Variants in VPS72 observed in about 807,000 individuals in gnomAD.
VPS72 encodes vacuolar protein sorting-associated protein 72 homolog.
VPS72 carries 27 observed loss-of-function variants against 38.9 expected under a neutral mutation model. That is an observed-to-expected ratio of 0.69 (90% CI 0.51 to 0.96). The LOEUF (loss-of-function observed/expected upper bound fraction) is 0.96, where lower values mean the gene tolerates loss of function less well. Among genes scored for constraint, VPS72 ranks in the 40% least tolerant of loss-of-function variants. VPS72 has a pLI of 0.00. For synonymous variants in VPS72, 173 were observed against 186.3 expected, an observed-to-expected ratio of 0.93 and a Z score of 0.58; for missense variants, 360 against 479.5, an observed-to-expected ratio of 0.75 and a Z score of 2.33.
intron 5 of VPS72, among the ~76,000 whole-genome samples, chr1:151,177,578 T>G (rs1194667453): frequency 1.3e-5 from 2 of 150,164 alleles, no homozygotes; most frequent in East Asian, 2.0e-4. Flanking sequence ...AAGAAAGAAA[T>G]AAGCTGGGCT....
chr1:151,181,278 C>G (rs1475876470), intron 4 of VPS72, among the ~76,000 whole-genome samples: 1 of 146,670 alleles, frequency 6.8e-6, no homozygotes, highest in African/African-American at 2.5e-5. Flanking sequence ...CACTCTGTTG[C>G]CCAGGCTGGA....
intron 3 of VPS72, 147 bp from the exon 4 acceptor site, chr1:151,184,640 C>G (rs1337823626): frequency 2.2e-6 from 2 of 889,618 alleles, no homozygotes; most frequent in African/African-American, 3.5e-5. Flanking sequence ...GGCTGGAGTA[C>G]AGTGGCACGA....
At chr1:151,189,200 G>C (rs1047125865) in intron 1 of VPS72, among the ~76,000 whole-genome samples, 5 of 152,190 alleles carry the variant, frequency 3.3e-5, no homozygotes, top group African/African-American at 1.2e-4. Flanking sequence ...CTGGGGCATG[G>C]AGTATGTAAG....
At chr1:151,185,120 C>T (rs1449346801) in intron 3 of VPS72, among the ~76,000 whole-genome samples, 1 of 151,992 alleles carries the variant, frequency 6.6e-6, no homozygotes, top group Non-Finnish European at 1.5e-5. Flanking sequence ...AAGTTATCAA[C>T]ATCAGTAAAT....
At chr1:151,185,012 G>A (rs919741709) in intron 3 of VPS72, among the ~76,000 whole-genome samples, 1 of 152,090 alleles carries the variant, frequency 6.6e-6, no homozygotes, top group Non-Finnish European at 1.5e-5. Flanking sequence ...TTTTCTGAAT[G>A]ATCTAAATTA....
intron 4 of VPS72, among the ~76,000 whole-genome samples, chr1:151,179,764 T>G (rs1684198998): frequency 1.3e-5 from 2 of 151,296 alleles, no homozygotes; most frequent in Admixed American, 1.3e-4. Context: ...TGGTGGTGTA[T>G]GCCTATAATC....
At position 151,176,920 on chromosome 1, in the gene VPS72, A is replaced by C. The variant is rs748499892; in HGVS notation, c.819T>G (p.Thr273=). The C allele has an allele frequency of 8.7e-6, 14 of 1,613,946 alleles. 1 individual carries two copies. In the South Asian group the frequency reaches 1.5e-4, roughly 18 times the overall value. ...GCCCTTGGGGGAACCATTCCTCGAA[A>C]GTTGCATCATCACTAAAAGTGATGA... is the stretch of plus-strand genomic sequence containing the variant. ...RTFITFSDDA[T]FEEWFPQGRP... is the part of the protein sequence containing the mutation. The change falls in exon 6 of 6, where the codon ACT becomes ACG. Residue 273 remains threonine (T), a synonymous_variant. Transcript: ENST00000368892.
chr1:151,179,997 C>G (rs1479925094), intron 4 of VPS72, among the ~76,000 whole-genome samples: 1 of 152,024 alleles, frequency 6.6e-6, no homozygotes, highest in Non-Finnish European at 1.5e-5. Context: ...TTATGATGAA[C>G]ACAATTCCCT....
At chr1:151,182,121 G>A (rs1440874409) in intron 4 of VPS72, among the ~76,000 whole-genome samples, 8 of 152,170 alleles carry the variant, frequency 5.3e-5, no homozygotes, top group East Asian at 1.9e-4. Flanking sequence ...CCCGCCTCCC[G>A]GGTTCAAGTG....
chr1:151,178,884 T>C (rs1684175966), intron 4 of VPS72, among the ~76,000 whole-genome samples: 1 of 152,134 alleles, frequency 6.6e-6, no homozygotes, highest in African/African-American at 2.4e-5. Context: ...GGTATATATG[T>C]CTCCTCCTTA....
rs587600132 is a variant in VPS72, at chr1:151,185,583, G to C, written c.308C>G (p.Thr103Ser). The change falls in exon 3 of 6, where the codon ACC becomes AGC. Residue 103 changes from threonine (T) to serine (S), a missense_variant. Thr to Ser is a moderately conservative substitution (Grantham distance 58). This residue lies in a region of VPS72 where 294 missense variants were observed against 356.3 expected (regional missense o/e 0.83). Coordinates refer to ENST00000368892, the MANE Select transcript of VPS72 (RefSeq NM_005997.3). Reference sequence around the variant, plus strand: ...CGCCTTCTGAGAGCTACCAGCCGGGGTGTTGACCTTTCGAGGCCTTAAGCT... The same window carrying C: ...CGCCTTCTGAGAGCTACCAGCCGGGCTGTTGACCTTTCGAGGCCTTAAGCT... ...LKSLRPRKVNTPAGSSQKARE... is the reference protein window; with the variant it reads ...LKSLRPRKVNSPAGSSQKARE... 4 of 1,614,168 alleles carry C rather than the reference G, an allele frequency of 2.5e-6. No homozygotes were observed. The South Asian group carries it at 3.3e-5, about 13-fold the overall frequency.
chr1:151,178,322 G>A (rs1684162488), intron 4 of VPS72, among the ~76,000 whole-genome samples, 177 bp from the exon 5 acceptor site: 1 of 152,138 alleles, frequency 6.6e-6, no homozygotes, highest in South Asian at 2.1e-4. Context: ...TAAGTTTTCT[G>A]CTTATAAGTT....
intron 4 of VPS72, among the ~76,000 whole-genome samples, chr1:151,180,585 G>A (rs1029132798): frequency 5.3e-5 from 8 of 151,938 alleles, no homozygotes; most frequent in African/African-American, 7.2e-5. Context: ...CTATAGGCAC[G>A]TGCCACCATG....
intron 4 of VPS72, among the ~76,000 whole-genome samples, chr1:151,184,099 T>C (rs587685865): frequency 6.6e-6 from 1 of 152,342 alleles, no homozygotes; most frequent in East Asian, 1.9e-4. Context: ...CTCAGTTCTA[T>C]ACAACTCTTA....
chr1:151,182,064 G>C (rs1252795053), intron 4 of VPS72, among the ~76,000 whole-genome samples: 1 of 151,636 alleles, frequency 6.6e-6, no homozygotes, highest in African/African-American at 2.4e-5. Context: ...TTTCACTCTT[G>C]TTACCCAGGC....
In VPS72 at chr1:151,188,886, A is replaced by G. The variant is rs587721507; in HGVS notation, c.117+1119T>C. Among the ~76,000 whole-genome samples the G allele has an allele frequency of 5.9e-5, 9 of 152,250 alleles. No individual in the cohort carries two copies. The East Asian group carries it at 1.5e-3, about 26-fold the overall frequency. On this transcript the variant is annotated intron_variant, in intron 1 of 5. Coordinates refer to ENST00000368892, the MANE Select transcript of VPS72 (RefSeq NM_005997.3). ...TGCTCTGTCGCCCAGGCTGGAGTGC[A>G]GTGGTACGATCTCGGCTCACTGCAA...
chr1:151,177,693 A>G (rs779800219), intron 5 of VPS72, among the ~76,000 whole-genome samples: 4 of 152,118 alleles, frequency 2.6e-5, no homozygotes. Context: ...GTCTCTACAA[A>G]AAATACAAAA....
At chr1:151,184,920 G>C (rs769898261) in intron 3 of VPS72, among the ~76,000 whole-genome samples, 1 of 152,024 alleles carries the variant, frequency 6.6e-6, no homozygotes, top group Non-Finnish European at 1.5e-5. Context: ...TGCAAGAATA[G>C]TACAAGGAAT....
intron 3 of VPS72, among the ~76,000 whole-genome samples, chr1:151,184,955 C>T (rs1487117922): frequency 6.6e-6 from 1 of 152,078 alleles, no homozygotes; most frequent in East Asian, 1.9e-4. Context: ...TACCCCATCA[C>T]CTATTGGTAA....
Sources: gnomAD v4.1 joint callset for allele counts (sites outside exome capture counted in the v4.1 genomes callset) on GRCh38, gnomAD v4.1.1 for gene constraint, gnomAD v4.1.1 regional missense constraint, MANE v1.5 for transcripts, NCBI Gene and HGNC (gene_info 2026-07-23, HGNC 2026-07-21) for gene names.